The following IQCJ variants were observed in gnomAD, a reference collection of about 807,000 sequenced individuals.
The protein encoded by IQCJ is IQ motif containing J, also known as IQ domain-containing protein J.
A neutral mutation model predicts 11.0 loss-of-function variants in IQCJ; 9 were observed. The observed-to-expected ratio is 0.82, with a 90% CI of 0.49 to 1.43. The LOEUF (loss-of-function observed/expected upper bound fraction) is 1.43, where lower values mean the gene tolerates loss of function less well. IQCJ is among the 40% of genes most tolerant of loss of function. The pLI, the probability that IQCJ is intolerant of heterozygous loss-of-function variation, is 0.00. For synonymous variants in IQCJ, 55 were observed against 51.3 expected, an observed-to-expected ratio of 1.07 and a Z score of -0.31; for missense variants, 146 against 133.2, an observed-to-expected ratio of 1.10 and a Z score of -0.47.
chr3:159,074,984 C>G lies in IQCJ; in HGVS notation c.9+5543C>G, dbSNP rs189791402. The stretch of plus-strand genomic sequence containing the variant: ...GAGGAAATCTGAAACTGCTGCCTCC[C>G]ACTGCCCAACTAACAAAGGGACAAA... On this transcript the variant is annotated intron_variant, in intron 1 of 3. Transcript: ENST00000397832. Among the ~76,000 whole-genome samples the G allele has an allele frequency of 4.9e-4, 74 of 152,188 alleles. No homozygotes were observed. The East Asian group carries it at 5.0e-3, about 10-fold the overall frequency.
chr3:159,130,208 G>A (rs999137810), intron 1 of IQCJ, among the ~76,000 whole-genome samples: 5 of 152,132 alleles, frequency 3.3e-5, no homozygotes, highest in African/African-American at 1.2e-4. Flanking sequence ...TCAGTTATTT[G>A]TTGGGAAGTT....
In IQCJ at chr3:159,261,170, T is replaced by C. The variant is rs375890394; in HGVS notation, c.156-1378T>C. Among the ~76,000 whole-genome samples the C allele has an allele frequency of 6.5e-4, 99 of 152,352 alleles. 1 individual carries two copies. In the South Asian group the frequency reaches 0.021, roughly 32 times the overall value. On this transcript the variant is annotated intron_variant, in intron 3 of 3. Transcript: ENST00000397832. Reference sequence around the variant, plus strand: ...TTTGTTGATTCAGAAACAACTTTAATGACATAGGTTGTGTGTGAAAGAATT... The same window carrying C: ...TTTGTTGATTCAGAAACAACTTTAACGACATAGGTTGTGTGTGAAAGAATT...
At position 159,263,438 on chromosome 3, in the gene IQCJ, A is replaced by C; in HGVS notation, c.*707A>C. On this transcript the variant is annotated 3_prime_UTR_variant, in exon 4 of 4. Coordinates refer to ENST00000397832, the MANE Select transcript of IQCJ (RefSeq NM_001042706.3). ...TTAAGGAATAAGGGAATCTGCTGGAAGTCTTTATTTTTAAAAAACACCAAA... is the reference window on the plus strand; with the variant it reads ...TTAAGGAATAAGGGAATCTGCTGGACGTCTTTATTTTTAAAAAACACCAAA... 1 of 984,272 alleles carries C rather than the reference A, an allele frequency of 1.0e-6. No homozygotes were observed. Among genetic ancestry groups the C allele is most frequent in the Non-Finnish European group, 1.2e-6 (1 of 828,896 alleles). 61.0% of individuals were successfully genotyped at this position (984,272 alleles called of 1,614,324 possible).
intron 1 of IQCJ, among the ~76,000 whole-genome samples, chr3:159,111,907 A>C (rs1718657976): frequency 6.6e-6 from 1 of 152,220 alleles, no homozygotes; most frequent in Non-Finnish European, 1.5e-5. Flanking sequence ...ATACATACTT[A>C]AATAACATAA....
At chr3:159,192,455 A>G (rs1169420397) in intron 1 of IQCJ, among the ~76,000 whole-genome samples, 1 of 152,200 alleles carries the variant, frequency 6.6e-6, no homozygotes, top group Admixed American at 6.5e-5. Flanking sequence ...AAGAGAGTGA[A>G]GGAAGCAGAG....
Position 159,263,400 on chromosome 3 carries a change from C to A in IQCJ, c.*669C>A, listed in dbSNP as rs1446943463. ...CCTACAGGCCACCAGTTTAAGAAAT[C>A]TGAGATAGAGAGTTAAGGAATAAGG... On this transcript the variant is annotated 3_prime_UTR_variant, in exon 4 of 4. Transcript: ENST00000397832. 1.0e-6 allele frequency: 1 copy of A among 974,346 alleles called. No homozygotes were observed. Among genetic ancestry groups the A allele is most frequent in the East Asian group, 1.1e-4 (1 of 8,748 alleles). The allele number at this position is 974,346 out of a possible 1,614,324, so 60.4% of individuals were successfully genotyped here.
intron 1 of IQCJ, among the ~76,000 whole-genome samples, chr3:159,123,453 G>C (rs1171473759): frequency 6.6e-6 from 1 of 152,164 alleles, no homozygotes; most frequent in Admixed American, 6.5e-5. Context: ...CAGCTTCTAA[G>C]ATCTGTGTGG....
intron 3 of IQCJ, among the ~76,000 whole-genome samples, chr3:159,257,281 G>A (rs978235972): frequency 6.6e-6 from 1 of 152,126 alleles, no homozygotes. Flanking sequence ...ATGTTTAATA[G>A]TATTGCAGGA....
At chr3:159,127,252 G>A (rs1719729484) in intron 1 of IQCJ, among the ~76,000 whole-genome samples, 1 of 152,144 alleles carries the variant, frequency 6.6e-6, no homozygotes, top group South Asian at 2.1e-4. Context: ...TTGTCATTGA[G>A]AGGACAAAGT....
chr3:159,241,185 G>A (rs925826275), intron 1 of IQCJ, among the ~76,000 whole-genome samples: 18 of 151,926 alleles, frequency 1.2e-4, no homozygotes, highest in South Asian at 1.0e-3. Context: ...CGAGGCAGGC[G>A]GATCATGAGG....
At chr3:159,186,899 T>C (rs1247028442) in intron 1 of IQCJ, among the ~76,000 whole-genome samples, 1 of 152,174 alleles carries the variant, frequency 6.6e-6, no homozygotes, top group Non-Finnish European at 1.5e-5. Flanking sequence ...ATCATATGGC[T>C]AGGTTTCTGA....
chr3:159,178,564 A>G (rs1722918111), intron 1 of IQCJ, among the ~76,000 whole-genome samples: 1 of 152,196 alleles, frequency 6.6e-6, no homozygotes, highest in African/African-American at 2.4e-5. Context: ...CATACATACT[A>G]TACCAACACT....
intron 1 of IQCJ, among the ~76,000 whole-genome samples, chr3:159,091,600 C>G (rs13092212): frequency 6.7e-6 from 1 of 150,358 alleles, no homozygotes; most frequent in Non-Finnish European, 1.5e-5. Context: ...AGCAGTGAGT[C>G]TGCAGTGTCA....
intron 1 of IQCJ, among the ~76,000 whole-genome samples, chr3:159,088,326 G>A (rs1402058201): frequency 2.0e-5 from 3 of 152,042 alleles, no homozygotes; most frequent in African/African-American, 7.3e-5. Flanking sequence ...GCTGAGGAGA[G>A]CTTTACTTCC....
chr3:159,221,162 T>C (rs1404816947), intron 1 of IQCJ, among the ~76,000 whole-genome samples: 13 of 152,158 alleles, frequency 8.5e-5, no homozygotes, highest in Non-Finnish European at 2.9e-5. Context: ...TTTATGATTA[T>C]GGAGTTAGAA....
chr3:159,120,960 G>A (rs1436661723), intron 1 of IQCJ, among the ~76,000 whole-genome samples: 1 of 151,810 alleles, frequency 6.6e-6, no homozygotes, highest in Non-Finnish European at 1.5e-5. Flanking sequence ...GATGAAGGGT[G>A]AACAGAAAAA....
chr3:159,146,469 T>C (rs902549919), intron 1 of IQCJ, among the ~76,000 whole-genome samples: 1 of 152,204 alleles, frequency 6.6e-6, no homozygotes, highest in Non-Finnish European at 1.5e-5. Flanking sequence ...GAGAGGGGTA[T>C]TCCATTCCTT....
intron 1 of IQCJ, among the ~76,000 whole-genome samples, chr3:159,093,970 T>G (rs1018830140): frequency 6.6e-6 from 1 of 151,686 alleles, no homozygotes; most frequent in Non-Finnish European, 1.5e-5. Flanking sequence ...AGATTTTGGG[T>G]GGGGCACAGA....
intron 1 of IQCJ, among the ~76,000 whole-genome samples, chr3:159,199,657 A>G (rs1335978271): frequency 6.6e-6 from 1 of 152,162 alleles, no homozygotes. Context: ...GGTACTACTC[A>G]GAAGAAACAT....
Sources: gnomAD v4.1 joint callset for allele counts (sites outside exome capture counted in the v4.1 genomes callset) on GRCh38, gnomAD v4.1.1 for gene constraint, MANE v1.5 for transcripts, NCBI Gene and HGNC (gene_info 2026-07-23, HGNC 2026-07-21) for gene names.